PKHD1: variants seen among roughly 807,000 people sequenced by gnomAD.
PKHD1 encodes fibrocystin.
PKHD1 carries 291 observed loss-of-function variants against 412.0 expected under a neutral mutation model. That is an observed-to-expected ratio of 0.71 (90% confidence interval 0.64 to 0.78). PKHD1 has a LOEUF of 0.78. PKHD1 is among the 30% of genes least tolerant of loss of function. The pLI is 0.00. For missense variants in PKHD1, 4,825 were observed against 4,950.7 expected, an observed-to-expected ratio of 0.97 and a Z score of 0.76; for synonymous variants, 1,777 against 1,821.5, an observed-to-expected ratio of 0.98 and a Z score of 0.62.
At chr6:51,942,595 C>A (rs1371291239) in intron 36 of PKHD1, among the ~76,000 whole-genome samples, 2 of 151,444 alleles carry the variant, frequency 1.3e-5, no homozygotes, top group Non-Finnish European at 3.0e-5. Context: ...TGATACCACA[C>A]CTGACCCCCA....
intron 50 of PKHD1, among the ~76,000 whole-genome samples, chr6:51,846,723 T>C (rs1309707199): frequency 6.6e-6 from 1 of 152,164 alleles, no homozygotes; most frequent in Non-Finnish European, 1.5e-5. Flanking sequence ...GGGTTCCTGA[T>C]TACTTCAACC....
At chr6:51,682,172 A>G (rs774801045) in intron 60 of PKHD1, 1 of 454,354 alleles carries the variant, frequency 2.2e-6, no homozygotes, top group South Asian at 1.6e-5. Flanking sequence ...TCCTCCGAAC[A>G]TATATACTAT....
At chr6:51,918,274 G>A (rs929208822) in intron 37 of PKHD1, among the ~76,000 whole-genome samples, 34 of 151,964 alleles carry the variant, frequency 2.2e-4, no homozygotes, top group African/African-American at 8.2e-4. Flanking sequence ...AGGTATACAC[G>A]TGCCATGGTG....
At chr6:51,814,645 G>A (rs1421874979) in intron 52 of PKHD1, among the ~76,000 whole-genome samples, 9 of 151,798 alleles carry the variant, frequency 5.9e-5, no homozygotes, top group Non-Finnish European at 8.8e-5. Context: ...CTCCTGATTG[G>A]CAAGCCACAC....
At chr6:52,020,405 C>T (rs528333095) in intron 33 of PKHD1, among the ~76,000 whole-genome samples, 5 of 152,280 alleles carry the variant, frequency 3.3e-5, no homozygotes, top group African/African-American at 1.2e-4. Flanking sequence ...CCAGAACTTG[C>T]TTGTATAGAA....
rs537973238 is a variant in PKHD1, at chr6:51,925,438, C to CGTGTGT, written c.6121+8666_6121+8671dup. Among the ~76,000 whole-genome samples the CGTGTGT allele has an allele frequency of 5.0e-3, 739 of 147,458 alleles. 2 individuals carry two copies. The highest frequency in any genetic ancestry group is 0.014 in the Middle Eastern group (4 of 294). ...CTTTAGCTAAATGTAAATTGTTCTTCGTGTGTGTGTGTGTGTATGTGTGTG... is the reference window on the plus strand; with the variant it reads ...CTTTAGCTAAATGTAAATTGTTCTTCGTGTGTGTGTGTGTGTGTGTGTATGTGTGTG... On this transcript the variant is annotated intron_variant, in intron 37 of 66. Transcript: ENST00000371117.
At chr6:51,654,305 TACGG>T (rs1771458068) in intron 61 of PKHD1, among the ~76,000 whole-genome samples, 2 of 152,128 alleles carry the variant, frequency 1.3e-5, no homozygotes, top group African/African-American at 4.8e-5. Context: ...TTGTAATAGA[TACGG>T]AATGAGATTT....
intron 60 of PKHD1, among the ~76,000 whole-genome samples, chr6:51,739,158 A>C (rs530165859): frequency 6.7e-6 from 1 of 148,414 alleles, no homozygotes; most frequent in Admixed American, 6.8e-5. Flanking sequence ...ACACATATAA[A>C]ATATACTCAT....
chr6:52,062,490 T>C (rs374287749), intron 14 of PKHD1, 29 bp downstream of exon 14: 6 of 1,613,494 alleles, frequency 3.7e-6, no homozygotes, highest in East Asian at 2.2e-5. Flanking sequence ...GTGCTTTTGA[T>C]GTGGGCTCCC....
At chr6:51,957,534 G>A (rs747210718) in intron 36 of PKHD1, among the ~76,000 whole-genome samples, 2 of 152,104 alleles carry the variant, frequency 1.3e-5, no homozygotes, top group Non-Finnish European at 2.9e-5. Context: ...GGCCAAAAAT[G>A]TGGTGGTTAA....
chr6:51,850,935 G>T (rs1376460974), intron 49 of PKHD1, among the ~76,000 whole-genome samples: 1 of 152,076 alleles, frequency 6.6e-6, no homozygotes, highest in Non-Finnish European at 1.5e-5. Flanking sequence ...ATACTATGTT[G>T]AATAAGACTG....
At position 51,649,099 on chromosome 6, in the gene PKHD1, A is replaced by G. The variant is rs760604547; in HGVS notation, c.11296T>C (p.Phe3766Leu). 8.7e-6 allele frequency: 14 copies of G among 1,613,678 alleles called. No individual in the cohort carries two copies. Among genetic ancestry groups the G allele is most frequent in the Non-Finnish European group, 1.2e-5 (14 of 1,179,788 alleles). ...NELPVQPQLVFLDEQNRRVES... is the reference protein window; with the variant it reads ...NELPVQPQLVLLDEQNRRVES... ...TGAAAAGTTACCTGCTCATCCAAAA[A>G]TACCAATTGTGGCTGCACTGGAAGC... is the stretch of plus-strand genomic sequence containing the variant. Residue 3766 changes from phenylalanine to leucine, a missense_variant, in exon 62 of 67, where the codon TTT becomes CTT. Transcript: ENST00000371117.
chr6:51,867,458 T>C (rs9370078), intron 48 of PKHD1, among the ~76,000 whole-genome samples: 61,697 of 151,974 alleles, frequency 0.41, 13,729 homozygotes, highest in East Asian at 0.85. Flanking sequence ...ATTGCTTCCC[T>C]GGAGCATATT....
intron 60 of PKHD1, among the ~76,000 whole-genome samples, chr6:51,699,329 T>C (rs1779150062): frequency 6.6e-6 from 1 of 152,178 alleles, no homozygotes; most frequent in Non-Finnish European, 1.5e-5. Flanking sequence ...GCAGTTGCAA[T>C]CATACAGGAT....
At chr6:51,651,299 C>A (rs1770921771) in intron 61 of PKHD1, among the ~76,000 whole-genome samples, 1 of 152,104 alleles carries the variant, frequency 6.6e-6, no homozygotes, top group African/African-American at 2.4e-5. Context: ...ATCCTAAAAC[C>A]TGACCGTAGG....
intron 46 of PKHD1, among the ~76,000 whole-genome samples, chr6:51,881,075 C>CTT (rs371470393): frequency 0.024 from 3,174 of 133,962 alleles, 120 homozygotes; most frequent in African/African-American, 0.073. Context: ...CTTTTTCTTT[C>CTT]TTTTTTTTTT....
intron 35 of PKHD1, among the ~76,000 whole-genome samples, chr6:51,975,141 T>C (rs764312898): frequency 2.6e-5 from 4 of 152,002 alleles, no homozygotes; most frequent in East Asian, 1.9e-4. Flanking sequence ...AGCAAGAAAA[T>C]TGAATTTTAA....
intron 2 of PKHD1, among the ~76,000 whole-genome samples, 198 bp downstream of exon 2, chr6:52,084,684 A>G (rs1049314602): frequency 4.6e-5 from 7 of 152,246 alleles, no homozygotes; most frequent in African/African-American, 1.7e-4. Flanking sequence ...ATTATTCAAC[A>G]TATAATTTAA....
At chr6:51,903,405 T>C (rs1451775739) in intron 43 of PKHD1, among the ~76,000 whole-genome samples, 192 bp downstream of exon 43, 2 of 152,152 alleles carry the variant, frequency 1.3e-5, no homozygotes, top group African/African-American at 2.4e-5. Context: ...CATTATGAGA[T>C]TTGTTTTACA....
Sources: allele counts gnomAD v4.1 joint callset (sites outside exome capture counted in the v4.1 genomes callset), GRCh38; gene constraint gnomAD v4.1.1; transcripts MANE v1.5; gene names NCBI Gene and HGNC (gene_info 2026-07-23, HGNC 2026-07-21).